The following TENM3 variants were observed in gnomAD, a reference collection of about 807,000 sequenced individuals.
TENM3 encodes teneurin transmembrane protein 3.
Under a neutral mutation model 255.1 loss-of-function variants are expected in TENM3, and 63 were observed. That is an observed-to-expected ratio of 0.25 (90% CI 0.20 to 0.30). The LOEUF (loss-of-function observed/expected upper bound fraction) is 0.30. TENM3 is among the 10% of genes least tolerant of loss of function. TENM3 has a pLI of 1.00. For synonymous variants in TENM3, 1,306 were observed against 1,322.3 expected, an observed-to-expected ratio of 0.99 and a Z score of 0.27; for missense variants, 2,929 against 3,461.1, an observed-to-expected ratio of 0.85 and a Z score of 3.86.
chr4:181,723,163 A>C, the TENM3 span, among the ~76,000 whole-genome samples: 5 of 151,884 alleles, frequency 3.3e-5, no homozygotes, highest in African/African-American at 1.2e-4. Context: ...AGAGTCAACC[A>C]GGCATTCTGT....
chr4:181,999,299 G>A, the TENM3 span, among the ~76,000 whole-genome samples: 2 of 152,184 alleles, frequency 1.3e-5, no homozygotes, highest in African/African-American at 2.4e-5. Context: ...GCTCCAGAGA[G>A]TGGCAAGTTG....
chr4:181,747,912 A>G, the TENM3 span, among the ~76,000 whole-genome samples: 1 of 151,910 alleles, frequency 6.6e-6, no homozygotes. Context: ...AATATTACTT[A>G]TGTCATCACC....
chr4:182,379,745 G>T (rs373674037), intron 3 of TENM3, among the ~76,000 whole-genome samples: 1 of 152,192 alleles, frequency 6.6e-6, no homozygotes, highest in African/African-American at 2.4e-5. Flanking sequence ...GAGCCAGGCC[G>T]TCTGGCCCCA....
At chr4:181,563,596 T>C in the TENM3 span, among the ~76,000 whole-genome samples, 1 of 152,210 alleles carries the variant, frequency 6.6e-6, no homozygotes, top group Non-Finnish European at 1.5e-5. Context: ...TGTGGGACTT[T>C]GGAACTGAAA....
At chr4:182,592,832 C>T (rs148774317) in intron 3 of TENM3, among the ~76,000 whole-genome samples, 36 of 152,182 alleles carry the variant, frequency 2.4e-4, no homozygotes, top group African/African-American at 8.7e-4. Context: ...TTGTTTGAGA[C>T]GAGAGAAAGT....
the TENM3 span, among the ~76,000 whole-genome samples, chr4:182,081,603 A>AAAAGAAG: frequency 6.8e-6 from 1 of 147,752 alleles, no homozygotes; most frequent in South Asian, 2.1e-4. Flanking sequence ...AAAAAAAAAA[A>AAAAGAAG]AAGAAGAAGA....
the TENM3 span, among the ~76,000 whole-genome samples, chr4:181,978,066 G>A: frequency 6.6e-6 from 1 of 152,154 alleles, no homozygotes. Context: ...TGCAAGCCAG[G>A]GTGACAGAAG....
At chr4:181,601,804 T>A in the TENM3 span, among the ~76,000 whole-genome samples, 1 of 152,230 alleles carries the variant, frequency 6.6e-6, no homozygotes, top group Admixed American at 6.5e-5. Context: ...ACAATCACAT[T>A]CAGAGGTACT....
chr4:182,408,483 C>A (rs566200095), intron 3 of TENM3, among the ~76,000 whole-genome samples: 56 of 152,246 alleles, frequency 3.7e-4, no homozygotes, highest in African/African-American at 1.2e-3. Flanking sequence ...AAACATTTAT[C>A]TTCTGGGAAC....
chr4:181,965,985 C>G, the TENM3 span, among the ~76,000 whole-genome samples: 1 of 152,152 alleles, frequency 6.6e-6, no homozygotes, highest in Non-Finnish European at 1.5e-5. Context: ...TGATTATTGC[C>G]TAGAGCCATT....
rs1165527396 is a variant in TENM3, at chr4:182,358,392, A to C, written c.511+11463A>C. 2.8e-3 allele frequency among the ~76,000 whole-genome samples: 427 copies of C among 150,550 alleles called. 8 individuals are homozygous for C. Among genetic ancestry groups the C allele is most frequent in the African/African-American group, 9.5e-3 (386 of 40,790 alleles). On this transcript the variant is annotated intron_variant, in intron 3 of 27. Coordinates refer to ENST00000511685, the MANE Select transcript of TENM3 (RefSeq NM_001080477.4). ...ATTTGTTTGTATCCTCTTTTATTTC[A>C]TTGAGCAGTGGTTTGTAGTTCTCCT...
the TENM3 span, among the ~76,000 whole-genome samples, chr4:181,508,892 C>CTT: frequency 0.057 from 3,073 of 53,828 alleles, 678 homozygotes; most frequent in African/African-American, 0.16. Flanking sequence ...ATTTCCAACA[C>CTT]TTTTTTTTTT....
At chr4:181,725,421 T>TTTC in the TENM3 span, among the ~76,000 whole-genome samples, 7 of 2,374 alleles carry the variant, frequency 2.9e-3, no homozygotes, top group Admixed American at 6.3e-3. Context: ...TTTTTCTTTC[T>TTTC]TTTTTTTTTT....
chr4:181,576,993 T>A, the TENM3 span, among the ~76,000 whole-genome samples: 1 of 130,214 alleles, frequency 7.7e-6, no homozygotes, highest in Admixed American at 8.8e-5. Flanking sequence ...TTATATATAT[T>A]ATATATATAA....
the TENM3 span, among the ~76,000 whole-genome samples, chr4:182,026,340 C>T: frequency 2.0e-4 from 31 of 152,098 alleles, no homozygotes; most frequent in Admixed American, 5.9e-4. Flanking sequence ...TGTTTGAGCT[C>T]CTTATATATT....
At chr4:182,666,139 C>T (rs948927643) in intron 6 of TENM3, among the ~76,000 whole-genome samples, 3 of 152,130 alleles carry the variant, frequency 2.0e-5, no homozygotes, top group African/African-American at 7.2e-5. Flanking sequence ...GCAATCTCAT[C>T]ATGAAACTTT....
At chr4:182,611,592 A>G (rs1470562330) in intron 4 of TENM3, among the ~76,000 whole-genome samples, 2 of 152,184 alleles carry the variant, frequency 1.3e-5, no homozygotes, top group African/African-American at 4.8e-5. Flanking sequence ...AAAACCCACT[A>G]AAATATGAGT....
the TENM3 span, among the ~76,000 whole-genome samples, chr4:181,502,850 A>G: frequency 3.3e-5 from 5 of 152,164 alleles, no homozygotes; most frequent in Admixed American, 2.6e-4. Flanking sequence ...GCTGCCGACA[A>G]TAAAGGGTCG....
rs1369158806 is a variant in TENM3, at chr4:182,754,359, A to T, written c.4018-26A>T. 1 of 1,548,468 alleles carries T rather than the reference A, an allele frequency of 6.5e-7. No individual in the cohort carries two copies. The highest frequency in any genetic ancestry group is 8.7e-7 in the Non-Finnish European group (1 of 1,144,604). ...TTAACTGTAGTGCAGTAACTTACTA[A>T]CCAGGCCATTTCTTTTTTTATTAAG... On this transcript the variant is annotated intron_variant, in intron 21 of 27. Transcript: ENST00000511685. The surrounding 1 kb of genome is among the most constrained non-coding windows in gnomAD (Gnocchi z 5.1).
Sources: allele counts gnomAD v4.1 joint callset (sites outside exome capture counted in the v4.1 genomes callset), GRCh38; gene constraint gnomAD v4.1.1; non-coding constraint Gnocchi (gnomAD v3.1); transcripts MANE v1.5; gene names NCBI Gene and HGNC (gene_info 2026-07-23, HGNC 2026-07-21).